The following EXOC4 variants were observed in gnomAD, a reference collection of about 807,000 sequenced individuals.
The protein encoded by EXOC4 is SEC8-like 1.
EXOC4 carries 71 observed loss-of-function variants against 107.2 expected under a neutral mutation model. The ratio of observed to expected loss-of-function variants is 0.66; its 90% CI spans 0.55 to 0.81. The LOEUF (loss-of-function observed/expected upper bound fraction) is 0.81, where lower values mean the gene tolerates loss of function less well. EXOC4 is among the 30% of genes least tolerant of loss of function. EXOC4 has a pLI of 0.00. For synonymous variants in EXOC4, 456 were observed against 441.2 expected, an observed-to-expected ratio of 1.03 and a Z score of -0.42; for missense variants, 1,108 against 1,189.6, an observed-to-expected ratio of 0.93 and a Z score of 1.01.
chr7:133,869,871 C>T (rs1000397069), intron 11 of EXOC4, among the ~76,000 whole-genome samples: 1 of 152,178 alleles, frequency 6.6e-6, no homozygotes, highest in Non-Finnish European at 1.5e-5. Context: ...TTAGCTAACT[C>T]CCAGTTCAAT....
intron 10 of EXOC4, among the ~76,000 whole-genome samples, chr7:133,654,777 A>G (rs150503821): frequency 3.9e-5 from 6 of 152,294 alleles, no homozygotes; most frequent in Admixed American, 1.3e-4. Context: ...ACTAGATGTT[A>G]TAACCTACTA....
intron 9 of EXOC4, among the ~76,000 whole-genome samples, chr7:133,490,362 G>A (rs563930017): frequency 2.7e-4 from 41 of 152,284 alleles, no homozygotes; most frequent in Non-Finnish European, 4.3e-4. Flanking sequence ...ACGGAGTTGT[G>A]TGTATGTATA....
chr7:133,457,134 T>G (rs1053676445), intron 7 of EXOC4, among the ~76,000 whole-genome samples: 1 of 152,154 alleles, frequency 6.6e-6, no homozygotes, highest in African/African-American at 2.4e-5. Context: ...GAATTTGATT[T>G]AGTGAAGGGA....
chr7:133,844,335 A>AT lies in EXOC4; in HGVS notation c.1734+26796dup, dbSNP rs542403690. On this transcript the variant is annotated intron_variant, in intron 11 of 17. Coordinates refer to ENST00000253861, the MANE Select transcript of EXOC4 (RefSeq NM_021807.4). ...TCAAACTATTTCTAATCTCTTTTAC[A>AT]TTTTTACCCAACCAATTTAATTTCT... Among the ~76,000 whole-genome samples the AT allele has an allele frequency of 4.2e-3, 472 of 112,660 alleles. 5 individuals carry two copies. The highest frequency in any genetic ancestry group is 0.015 in the African/African-American group (436 of 29,006). 73.9% of individuals were successfully genotyped at this position (112,660 alleles called of 152,430 possible).
intron 7 of EXOC4, among the ~76,000 whole-genome samples, chr7:133,383,287 T>C (rs947482117): frequency 2.0e-5 from 3 of 152,182 alleles, no homozygotes; most frequent in Admixed American, 2.0e-4. Flanking sequence ...TTTTCACATC[T>C]CATTTCAAAA....
chr7:133,533,036 G>A (rs1317029346), intron 9 of EXOC4, among the ~76,000 whole-genome samples: 1 of 152,070 alleles, frequency 6.6e-6, no homozygotes, highest in East Asian at 1.9e-4. Flanking sequence ...AGATTTGCCT[G>A]TGTTGATTGA....
At chr7:133,447,044 A>G (rs926357543) in intron 7 of EXOC4, among the ~76,000 whole-genome samples, 12 of 152,230 alleles carry the variant, frequency 7.9e-5, no homozygotes, top group African/African-American at 1.9e-4. Flanking sequence ...GTTTTTAACC[A>G]TAAGTGAAAT....
rs757017206 is a variant in EXOC4, at chr7:133,787,335, T to TTG, written c.1515-29937_1515-29936dup. 7.8e-4 allele frequency among the ~76,000 whole-genome samples: 89 copies of TTG among 113,896 alleles called. 1 individual carries two copies. The highest frequency in any genetic ancestry group is 9.7e-4 in the Non-Finnish European group (53 of 54,898). The allele number at this position is 113,896 out of a possible 152,430, so 74.7% of individuals were successfully genotyped here. ...GCGTGCACCACCACAATAGGCTAAT[T>TTG]TGTGTGTGTGTGTGTGTGTGTGTGT... On this transcript the variant is annotated intron_variant, in intron 10 of 17. Coordinates refer to ENST00000253861, the MANE Select transcript of EXOC4 (RefSeq NM_021807.4).
chr7:133,402,648 G>A (rs540575971), intron 7 of EXOC4, among the ~76,000 whole-genome samples: 5 of 151,798 alleles, frequency 3.3e-5, no homozygotes, highest in African/African-American at 7.3e-5. Context: ...ATAGGCATGC[G>A]CTACCACACC....
intron 10 of EXOC4, among the ~76,000 whole-genome samples, chr7:133,755,533 G>A (rs1795898256): frequency 6.6e-6 from 1 of 150,522 alleles, no homozygotes; most frequent in Non-Finnish European, 1.5e-5. Flanking sequence ...TAGTACAGAT[G>A]GGGTTTCACC....
chr7:133,875,520 G>A (rs1259103341), intron 11 of EXOC4, among the ~76,000 whole-genome samples: 1 of 152,138 alleles, frequency 6.6e-6, no homozygotes, highest in East Asian at 1.9e-4. Context: ...AACTGCCCAC[G>A]AACTGTCTCT....
chr7:133,549,663 C>T (rs941604759), intron 9 of EXOC4, among the ~76,000 whole-genome samples: 3 of 152,102 alleles, frequency 2.0e-5, no homozygotes, highest in East Asian at 1.9e-4. Context: ...CACCTATAAA[C>T]GTTCTGGGTA....
intron 5 of EXOC4, among the ~76,000 whole-genome samples, chr7:133,337,080 A>G (rs981736265): frequency 2.6e-5 from 4 of 152,170 alleles, no homozygotes; most frequent in African/African-American, 9.7e-5. Context: ...TAGATTTCTT[A>G]GTATTTAGAC....
intron 11 of EXOC4, among the ~76,000 whole-genome samples, chr7:133,820,846 C>A (rs1473206465): frequency 6.6e-6 from 1 of 152,162 alleles, no homozygotes; most frequent in Non-Finnish European, 1.5e-5. Flanking sequence ...GTGAAGAGAA[C>A]CCCAGGACAC....
intron 9 of EXOC4, among the ~76,000 whole-genome samples, chr7:133,559,052 T>C (rs1024720669): frequency 6.6e-6 from 1 of 152,240 alleles, no homozygotes; most frequent in African/African-American, 2.4e-5. Flanking sequence ...CTCCAAACTT[T>C]GAACTTCCAC....
Position 133,484,131 on chromosome 7 carries a change from A to ACT in EXOC4, c.1417+3993_1417+3994insCT. The ACT allele has an allele frequency of 7.4e-6, 12 of 1,610,864 alleles. No homozygotes were observed. In the South Asian group the frequency reaches 1.3e-4, roughly 18 times the overall value. Reference sequence around the variant, plus strand: ...AGTTAAGTTCCTGCCAACATTTTCAATTTATCATACAATTAGAAATGTGAC... The same window carrying ACT: ...AGTTAAGTTCCTGCCAACATTTTCAACTTTTATCATACAATTAGAAATGTGAC... On this transcript the variant is annotated intron_variant, in intron 9 of 17. Transcript: ENST00000253861.
chr7:133,922,181 G>T (rs932672549), intron 13 of EXOC4, among the ~76,000 whole-genome samples: 1 of 152,032 alleles, frequency 6.6e-6, no homozygotes, highest in Non-Finnish European at 1.5e-5. Context: ...ATATGAGAAT[G>T]TGCACATATC....
intron 4 of EXOC4, among the ~76,000 whole-genome samples, chr7:133,309,185 A>C (rs1794816783): frequency 2.0e-5 from 3 of 152,160 alleles, no homozygotes. Flanking sequence ...TGCCTCTTTA[A>C]TGTGAGAGGA....
intron 6 of EXOC4, among the ~76,000 whole-genome samples, chr7:133,363,552 C>T (rs1796178605): frequency 6.6e-6 from 1 of 150,414 alleles, no homozygotes. Context: ...GCTGAATAGG[C>T]CAGAGATGTT....
Sources: allele counts gnomAD v4.1 joint callset (sites outside exome capture counted in the v4.1 genomes callset), GRCh38; gene constraint gnomAD v4.1.1; transcripts MANE v1.5; gene names NCBI Gene and HGNC (gene_info 2026-07-23, HGNC 2026-07-21).